The following PCDH15 variants were observed in gnomAD, a reference collection of about 807,000 sequenced individuals.
The protein encoded by PCDH15 is protocadherin related 15.
Under a neutral mutation model 178.5 loss-of-function variants are expected in PCDH15, and 129 were observed. The observed-to-expected ratio is 0.72, with a 90% CI of 0.63 to 0.84. The LOEUF is 0.84. Among genes scored for constraint, PCDH15 ranks in the 40% least tolerant of loss-of-function variants. The pLI is 0.00. For missense variants in PCDH15, 2,230 were observed against 2,099.9 expected (o/e 1.06, Z -1.21); for synonymous variants, 800 against 732.0 (o/e 1.09, Z -1.50).
chr10:55,580,615 G>A (rs181230710), intron 2 of PCDH15, among the ~76,000 whole-genome samples: 1,798 of 152,012 alleles, frequency 0.012, 19 homozygotes, highest in Middle Eastern at 0.02. Flanking sequence ...TGCCCACCTC[G>A]GCCTCCCAAA....
Position 54,270,655 on chromosome 10 carries a change from A to C in PCDH15, c.877-33724T>G, listed in dbSNP as rs981032594. On this transcript the variant is annotated intron_variant, in intron 8 of 37. Transcript: ENST00000644397. Reference sequence around the variant, plus strand: ...ATGTTCCACAATGATTCTAACTTACATGGTGCAAAATAATAAAATATTACA... The same window carrying C: ...ATGTTCCACAATGATTCTAACTTACCTGGTGCAAAATAATAAAATATTACA... Among the ~76,000 whole-genome samples, 212 of 152,276 alleles carry C rather than the reference A, an allele frequency of 1.4e-3. 1 individual carries two copies. Among genetic ancestry groups the C allele is most frequent in the African/African-American group, 5.0e-3 (206 of 41,576 alleles).
At chr10:54,613,873 A>G (rs925873018) in intron 2 of PCDH15, among the ~76,000 whole-genome samples, 3 of 151,648 alleles carry the variant, frequency 2.0e-5, no homozygotes, top group Non-Finnish European at 4.4e-5. Context: ...TCAACCTTGG[A>G]TGAGTTTTCA....
chr10:54,462,410 A>C (rs1388700298), intron 3 of PCDH15, among the ~76,000 whole-genome samples: 1 of 151,570 alleles, frequency 6.6e-6, no homozygotes. Context: ...TTCCATCTGA[A>C]TACAAGTCAT....
intron 28 of PCDH15, among the ~76,000 whole-genome samples, chr10:53,847,463 G>A (rs887488490): frequency 2.0e-5 from 3 of 151,774 alleles, no homozygotes; most frequent in African/African-American, 7.3e-5. Context: ...AGACCCACAG[G>A]GACTCTACCC....
intron 2 of PCDH15, among the ~76,000 whole-genome samples, chr10:55,535,705 G>T (rs1841562615): frequency 6.6e-6 from 1 of 151,966 alleles, no homozygotes; most frequent in South Asian, 2.1e-4. Context: ...CTCCTTAGTA[G>T]GACTATTAAA....
At chr10:55,169,290 C>T (rs1839271669) in intron 1 of PCDH15, among the ~76,000 whole-genome samples, 1 of 152,118 alleles carries the variant, frequency 6.6e-6, no homozygotes, top group Admixed American at 6.6e-5. Context: ...TTGAAAACGT[C>T]GTGTTGCACA....
chr10:54,074,541 G>A (rs1028087900), intron 17 of PCDH15, among the ~76,000 whole-genome samples: 5 of 152,012 alleles, frequency 3.3e-5, no homozygotes, highest in African/African-American at 2.4e-5. Flanking sequence ...TCTTAAGGCC[G>A]AATGATATTT....
intron 2 of PCDH15, among the ~76,000 whole-genome samples, chr10:55,408,222 G>A (rs1377821496): frequency 6.8e-6 from 1 of 147,560 alleles, no homozygotes; most frequent in African/African-American, 2.5e-5. Flanking sequence ...AATCTCACTT[G>A]TCACTGAGGC....
intron 10 of PCDH15, among the ~76,000 whole-genome samples, chr10:54,205,449 A>C (rs1348155214): frequency 1.4e-5 from 2 of 146,856 alleles, no homozygotes; most frequent in Non-Finnish European, 3.0e-5. Context: ...AAGCAACAGT[A>C]ATTGGTAACA....
intron 2 of PCDH15, among the ~76,000 whole-genome samples, chr10:55,096,082 G>GAAACAA (rs1404203343): frequency 2.0e-5 from 3 of 151,774 alleles, no homozygotes; most frequent in Non-Finnish European, 2.9e-5. Context: ...TATTTGATTG[G>GAAACAA]AAACAAAAAC....
chr10:54,320,394 G>A (rs1365695834), intron 7 of PCDH15, among the ~76,000 whole-genome samples: 2 of 151,882 alleles, frequency 1.3e-5, no homozygotes, highest in African/African-American at 4.8e-5. Context: ...TGTTTAAGGA[G>A]CTGTGTATAT....
chr10:55,182,768 GGAGGAAA>G (rs1157077405), intron 1 of PCDH15, among the ~76,000 whole-genome samples: 5 of 151,970 alleles, frequency 3.3e-5, no homozygotes, highest in Non-Finnish European at 5.9e-5. Context: ...GATTTCATTG[GGAGGAAA>G]GAAATGATGT....
intron 2 of PCDH15, among the ~76,000 whole-genome samples, chr10:55,489,612 T>C (rs1046757913): frequency 2.0e-5 from 3 of 151,700 alleles, no homozygotes; most frequent in African/African-American, 7.3e-5. Context: ...TATCTGCTTA[T>C]CCAAGAGAGA....
chr10:55,229,253 T>A lies in PCDH15; in HGVS notation c.-155-62602A>T, dbSNP rs542551230. Among the ~76,000 whole-genome samples, 35 of 151,460 alleles carry A rather than the reference T, an allele frequency of 2.3e-4. No homozygotes were observed. The South Asian group carries it at 5.7e-3, about 25-fold the overall frequency. On this transcript the variant is annotated intron_variant, in intron 1 of 5. Transcript: ENST00000458638. Reference sequence around the variant, plus strand: ...ATGTAAGGTATTATTTGAAAAAAAATGTGCCTAACAAAATTTTTCAAATAG... The same window carrying A: ...ATGTAAGGTATTATTTGAAAAAAAAAGTGCCTAACAAAATTTTTCAAATAG...
intron 23 of PCDH15, among the ~76,000 whole-genome samples, chr10:53,951,143 AT>A (rs1238773314): frequency 6.6e-6 from 1 of 152,214 alleles, no homozygotes; most frequent in East Asian, 1.9e-4. Context: ...AGATTAACAC[AT>A]TTTTCTCAAT....
chr10:54,288,771 A>AGT (rs2059198237), intron 8 of PCDH15, among the ~76,000 whole-genome samples: 1 of 152,232 alleles, frequency 6.6e-6, no homozygotes, highest in African/African-American at 2.4e-5. Flanking sequence ...CTAGTGCAGC[A>AGT]GTCTGAGATT....
At chr10:54,778,304 G>A (rs1025280928) in intron 1 of PCDH15, among the ~76,000 whole-genome samples, 1 of 152,134 alleles carries the variant, frequency 6.6e-6, no homozygotes, top group Non-Finnish European at 1.5e-5. Context: ...CACATTTTGT[G>A]TAGATTCCCT....
At chr10:55,451,134 G>C (rs908890979) in intron 2 of PCDH15, among the ~76,000 whole-genome samples, 1 of 151,910 alleles carries the variant, frequency 6.6e-6, no homozygotes, top group Admixed American at 6.6e-5. Flanking sequence ...TCTGAACCTA[G>C]AGCCCATGCT....
chr10:54,338,972 C>T (rs1274112575), intron 6 of PCDH15, among the ~76,000 whole-genome samples: 2 of 152,066 alleles, frequency 1.3e-5, no homozygotes, highest in African/African-American at 2.4e-5. Flanking sequence ...TTAGATTTTT[C>T]CATATAAGAC....
Sources: allele counts gnomAD v4.1 joint callset (sites outside exome capture counted in the v4.1 genomes callset), GRCh38; gene constraint gnomAD v4.1.1; transcripts MANE v1.5; gene names NCBI Gene and HGNC (gene_info 2026-07-23, HGNC 2026-07-21).